The following SLC66A2 variants were observed in gnomAD, a reference collection of about 807,000 sequenced individuals.
SLC66A2 encodes solute carrier family 66 member 2, also known as PQ loop repeat containing 1.
A neutral mutation model predicts 25.5 loss-of-function variants in SLC66A2; 23 were observed. The ratio of observed to expected loss-of-function variants is 0.90; its 90% CI spans 0.65 to 1.28. The LOEUF is 1.28. SLC66A2 is among the 50% of genes most tolerant of loss of function. The probability of loss-of-function intolerance (pLI) is 0.00; values close to 1 mark genes in which losing one functional copy is unlikely to be tolerated. For missense variants in SLC66A2, 396 were observed against 373.1 expected, an observed-to-expected ratio of 1.06 and a Z score of -0.51; for synonymous variants, 193 against 166.5, an observed-to-expected ratio of 1.16 and a Z score of -1.23.
rs202203782 is a variant in SLC66A2 at position 79,903,941 on chromosome 18, C to T, written c.*35G>A. The T allele has an allele frequency of 3.3e-4, 521 of 1,558,432 alleles. 1 individual carries two copies. In the African/African-American group the frequency reaches 5.8e-3, roughly 17 times the overall value. On this transcript the variant is annotated 3_prime_UTR_variant, in exon 6 of 6. Coordinates refer to ENST00000397778, the MANE Select transcript of SLC66A2 (RefSeq NM_025078.5). The stretch of plus-strand genomic sequence containing the variant: ...GGAGGTCAGGGCCCACCAGTGCCCG[C>T]GGCTGGCGGTCCCACATCCTCGTCC...
Position 79,903,749 on chromosome 18 carries a change from C to T in SLC66A2, c.*227G>A, listed in dbSNP as rs921416754. On this transcript the variant is annotated 3_prime_UTR_variant, in exon 6 of 6. Transcript: ENST00000397778. The stretch of plus-strand genomic sequence containing the variant: ...ATGTCATCCTAAAAACATCCAAAAC[C>T]CTCGGGGCCAGATCAACCCTGGCTG... 7 of 528,136 alleles carry T rather than the reference C, an allele frequency of 1.3e-5. No homozygotes were observed. The highest frequency in any genetic ancestry group is 2.3e-5 in the Non-Finnish European group (7 of 304,052). The allele number at this position is 528,136 out of a possible 1,614,324, so 32.7% of individuals were successfully genotyped here. A position where few individuals can be genotyped will look rare whatever the true frequency, so the allele number is the denominator to read the frequency against.
rs1342672630 is a variant in SLC66A2, at chr18:79,943,416, T to G, written c.250A>C (p.Met84Leu). The G allele has an allele frequency of 6.2e-7, 1 of 1,614,076 alleles. No individual in the cohort carries two copies. Among genetic ancestry groups the G allele is most frequent in the Non-Finnish European group, 8.5e-7 (1 of 1,180,034 alleles). ...AGCATCAGCAGCATGGTCAGGATCA[T>G]GATGGCGCTCTGCCACAGCAGCGGG... is the stretch of plus-strand genomic sequence containing the variant. ...ESPLLWQSAI[M>L]ILTMLLMLKL... is the part of the protein sequence containing the mutation. Residue 84 changes from methionine (M) to leucine (L), a missense_variant, in exon 3 of 6, where the codon ATG (methionine) becomes CTG (leucine). By Grantham distance (15) the Met-to-Leu change is conservative. Transcript: ENST00000397778.
At chr18:79,905,132 A>G (rs1303230745) in intron 5 of SLC66A2, among the ~76,000 whole-genome samples, 6 of 152,238 alleles carry the variant, frequency 3.9e-5, no homozygotes, top group Non-Finnish European at 5.9e-5. Context: ...CCAAGCCCAC[A>G]GTGCTCGGCT....
chr18:79,925,896 A>T (rs1599585294), intron 4 of SLC66A2, among the ~76,000 whole-genome samples: 1 of 152,238 alleles, frequency 6.6e-6, no homozygotes. Flanking sequence ...GCGTTCCCAG[A>T]CGGTCAGGCA....
chr18:79,905,806 G>A (rs1599473525), intron 5 of SLC66A2, among the ~76,000 whole-genome samples: 2 of 152,218 alleles, frequency 1.3e-5, no homozygotes, highest in African/African-American at 4.8e-5. Context: ...GCTTTACTTG[G>A]CATGCAGCAT....
chr18:79,938,478 C>T (rs1007694415), intron 3 of SLC66A2, among the ~76,000 whole-genome samples: 3 of 152,130 alleles, frequency 2.0e-5, no homozygotes, highest in African/African-American at 7.2e-5. Flanking sequence ...GGCTCTGACC[C>T]TGACTCACAG....
chr18:79,934,532 G>C (rs1047805889), intron 3 of SLC66A2, among the ~76,000 whole-genome samples: 6 of 152,162 alleles, frequency 3.9e-5, no homozygotes, highest in African/African-American at 1.4e-4. Context: ...ACATGCACTT[G>C]ACAAGCACCT....
At chr18:79,942,475 T>C (rs1291391181) in intron 3 of SLC66A2, among the ~76,000 whole-genome samples, 2 of 152,022 alleles carry the variant, frequency 1.3e-5, no homozygotes, top group South Asian at 2.1e-4. Flanking sequence ...CGGTCAGGAA[T>C]AGAAACACAG....
intron 5 of SLC66A2, among the ~76,000 whole-genome samples, chr18:79,909,294 T>C (rs1419123075): frequency 1.3e-5 from 2 of 152,206 alleles, no homozygotes; most frequent in Non-Finnish European, 2.9e-5. Context: ...CTGTCCACAA[T>C]GACACTGAGT....
chr18:79,907,279 T>C (rs1010818413), intron 5 of SLC66A2, among the ~76,000 whole-genome samples: 1 of 151,644 alleles, frequency 6.6e-6, no homozygotes, highest in Non-Finnish European at 1.5e-5. Flanking sequence ...TTGAAATTTT[T>C]AAAATATCCC....
intron 2 of SLC66A2, among the ~76,000 whole-genome samples, chr18:79,944,856 G>C (rs1242927175): frequency 3.9e-5 from 6 of 151,980 alleles, no homozygotes; most frequent in Non-Finnish European, 7.4e-5. Context: ...CAGAAGAAGG[G>C]GGAACCCCGC....
intron 4 of SLC66A2, among the ~76,000 whole-genome samples, chr18:79,925,590 G>A (rs528037229): frequency 3.3e-5 from 5 of 152,352 alleles, no homozygotes; most frequent in Non-Finnish European, 7.3e-5. Flanking sequence ...TCAACTCACA[G>A]ACAGATCTCT....
At chr18:79,943,552 G>A (rs556963462) in intron 2 of SLC66A2, 90 bp from the exon 3 acceptor site, 19 of 1,498,016 alleles carry the variant, frequency 1.3e-5, no homozygotes, top group East Asian at 6.9e-5. Context: ...CGGGTCAGGA[G>A]GGAGGCCCAC....
chr18:79,949,616 A>T (rs1022020433), intron 2 of SLC66A2: 3 of 152,308 alleles, frequency 2.0e-5, no homozygotes. Flanking sequence ...GTGAGCCGAG[A>T]TTGTACCACT....
At position 79,904,297 on chromosome 18, in the gene SLC66A2, G is replaced by C. The variant is rs554340899; in HGVS notation, c.609-114C>G. ...AGACCTGGGGCTCAGGGGCACCCAG[G>C]GGGCTAAGGGGACCCCCAGGCAGTC... On this transcript the variant is annotated intron_variant, in intron 5 of 5. Coordinates refer to ENST00000397778, the MANE Select transcript of SLC66A2 (RefSeq NM_025078.5). This position sits in a 1 kb window ranked among gnomAD's most constrained non-coding sequence, Gnocchi z 6.3. The C allele has an allele frequency of 3.6e-5, 33 of 929,264 alleles. No homozygotes were observed. The highest frequency in any genetic ancestry group is 5.4e-5 in the Non-Finnish European group (32 of 593,564). 57.6% of individuals were successfully genotyped at this position (929,264 alleles called of 1,614,324 possible).
At chr18:79,939,832 C>G (rs1987486739) in intron 3 of SLC66A2, among the ~76,000 whole-genome samples, 1 of 152,102 alleles carries the variant, frequency 6.6e-6, no homozygotes, top group African/African-American at 2.4e-5. Flanking sequence ...CCTCAAAGAC[C>G]AGAAATACCA....
rs778805475 is a variant in SLC66A2, at chr18:79,904,039, G to A, written c.753C>T (p.Phe251=). 48 of 1,606,798 alleles carry A rather than the reference G, an allele frequency of 3.0e-5. No homozygotes were observed. The highest frequency in any genetic ancestry group is 3.5e-5 in the Non-Finnish European group (41 of 1,177,272). ...GCGCCGGCTTCTGGGGGTGGCGGGC[G>A]AAGGCGTAGGCCTGCCCCAGGATGG... is the stretch of plus-strand genomic sequence containing the variant. ...DLAILGQAYA[F]ARHPQKPAPH... is the part of the protein sequence containing the mutation. Residue 251 remains phenylalanine, a synonymous_variant, in exon 6 of 6, where the codon TTC becomes TTT. Coordinates refer to ENST00000397778, the MANE Select transcript of SLC66A2 (RefSeq NM_025078.5). This position sits in a 1 kb window ranked among gnomAD's most constrained non-coding sequence, Gnocchi z 6.3.
chr18:79,911,262 C>CAAA (rs1323038312), intron 5 of SLC66A2, among the ~76,000 whole-genome samples: 3 of 152,256 alleles, frequency 2.0e-5, no homozygotes, highest in Non-Finnish European at 4.4e-5. Flanking sequence ...GGACATCTTT[C>CAAA]CGTCCCCTTC....
intron 2 of SLC66A2, among the ~76,000 whole-genome samples, chr18:79,946,707 C>T (rs143315938): frequency 2.3e-3 from 346 of 152,330 alleles, no homozygotes; most frequent in African/African-American, 8.1e-3. Context: ...GTGGCTCACA[C>T]CTGTAATCCC....
Sources: allele counts gnomAD v4.1 joint callset (sites outside exome capture counted in the v4.1 genomes callset), GRCh38; gene constraint gnomAD v4.1.1; non-coding constraint Gnocchi (gnomAD v3.1); transcripts MANE v1.5; gene names NCBI Gene and HGNC (gene_info 2026-07-23, HGNC 2026-07-21).